The following MAF variants were observed in gnomAD, a reference collection of about 807,000 sequenced individuals.
MAF encodes transcription factor Maf.
Under a neutral mutation model 22.0 loss-of-function variants are expected in MAF, and 10 were observed. That is an observed-to-expected ratio of 0.45 (90% CI 0.28 to 0.77). MAF has a LOEUF of 0.77. Ranked by LOEUF, MAF falls within the 30% of genes least tolerant of loss-of-function variation. The pLI is 0.12. For synonymous variants in MAF, 337 were observed against 255.8 expected, an observed-to-expected ratio of 1.32 and a Z score of -3.03; for missense variants, 544 against 548.4, an observed-to-expected ratio of 0.99 and a Z score of 0.08.
the MAF span, chr16:79,505,761 G>A: frequency 1.3e-5 from 2 of 152,400 alleles, no homozygotes; most frequent in African/African-American, 4.8e-5. Context: ...CGGTCCCTTG[G>A]AAGGCTGGAA....
At chr16:79,428,846 G>GAAAAAAAAAA in the MAF span, among the ~76,000 whole-genome samples, 2 of 72,840 alleles carry the variant, frequency 2.7e-5, no homozygotes, top group Non-Finnish European at 5.2e-5. Context: ...CCCTGTCTCA[G>GAAAAAAAAAA]AAAAATAATA....
the MAF span, among the ~76,000 whole-genome samples, chr16:79,496,923 A>G: frequency 3.3e-5 from 5 of 152,352 alleles, no homozygotes; most frequent in East Asian, 7.7e-4. Context: ...GGTTCTACAC[A>G]GTAGCAGTGG....
chr16:79,260,938 T>C, the MAF span, among the ~76,000 whole-genome samples: 4 of 151,950 alleles, frequency 2.6e-5, no homozygotes, highest in African/African-American at 9.7e-5. Flanking sequence ...CAAACTAACA[T>C]TCTAGAAAGA....
chr16:79,249,011 C>T, the MAF span, among the ~76,000 whole-genome samples: 3 of 152,166 alleles, frequency 2.0e-5, no homozygotes, highest in East Asian at 3.9e-4. Context: ...TTGTGTACCC[C>T]CAAAATTCAT....
chr16:79,282,252 TG>T, the MAF span, among the ~76,000 whole-genome samples: 1 of 152,002 alleles, frequency 6.6e-6, no homozygotes, highest in South Asian at 2.1e-4. Flanking sequence ...AGACTCGGAG[TG>T]GTATTTTGTA....
At chr16:79,257,982 G>T in the MAF span, among the ~76,000 whole-genome samples, 1 of 152,124 alleles carries the variant, frequency 6.6e-6, no homozygotes, top group South Asian at 2.1e-4. Context: ...CTAACTCAAT[G>T]AGCACTAGTA....
chr16:79,566,217 G>T, the MAF span, among the ~76,000 whole-genome samples: 1 of 152,102 alleles, frequency 6.6e-6, no homozygotes, highest in Non-Finnish European at 1.5e-5. Flanking sequence ...CCAACACTCT[G>T]CCATTAGAGA....
the MAF span, among the ~76,000 whole-genome samples, chr16:79,471,863 T>C: frequency 1.3e-4 from 20 of 152,332 alleles, no homozygotes; most frequent in African/African-American, 4.8e-4. Flanking sequence ...ACAATTATTG[T>C]TAGAAGAAAA....
the MAF span, among the ~76,000 whole-genome samples, chr16:79,515,566 G>C: frequency 1.5e-4 from 23 of 152,314 alleles, no homozygotes; most frequent in East Asian, 4.2e-3. Context: ...AGGTAGGTTA[G>C]GTGAATTAAA....
At chr16:79,485,628 G>A in the MAF span, among the ~76,000 whole-genome samples, 1 of 152,106 alleles carries the variant, frequency 6.6e-6, no homozygotes, top group African/African-American at 2.4e-5. Context: ...TAAGAAAAAG[G>A]TTTTTTTAAA....
the MAF span, among the ~76,000 whole-genome samples, chr16:79,572,062 G>A: frequency 1.2e-4 from 18 of 152,162 alleles, no homozygotes; most frequent in African/African-American, 2.7e-4. Context: ...ACATTTTTCT[G>A]TCAATGGCTT....
chr16:79,248,357 G>A, the MAF span, among the ~76,000 whole-genome samples: 1 of 152,042 alleles, frequency 6.6e-6, no homozygotes, highest in African/African-American at 2.4e-5. Flanking sequence ...TTCTATTTCA[G>A]ACATCCGAAG....
the MAF span, among the ~76,000 whole-genome samples, chr16:79,333,385 G>A: frequency 6.6e-6 from 1 of 152,082 alleles, no homozygotes; most frequent in Non-Finnish European, 1.5e-5. Flanking sequence ...GACTTTGCAG[G>A]GGAGAGTTCT....
chr16:79,484,690 G>A, the MAF span, among the ~76,000 whole-genome samples: 1 of 152,212 alleles, frequency 6.6e-6, no homozygotes, highest in Non-Finnish European at 1.5e-5. Context: ...TCTCACAAAA[G>A]GGCCAGGGTG....
the MAF span, among the ~76,000 whole-genome samples, chr16:79,570,027 T>C: frequency 6.6e-6 from 1 of 151,392 alleles, no homozygotes; most frequent in Non-Finnish European, 1.5e-5. Context: ...TTTTTTTTTT[T>C]TTTGGATCTT....
chr16:79,595,724 A>G (rs767988105), intron 1 of MAF: 136 of 1,057,190 alleles, frequency 1.3e-4, no homozygotes, highest in Non-Finnish European at 1.5e-4. Flanking sequence ...CCACACAGGT[A>G]TTATTTTTTG....
the MAF span, among the ~76,000 whole-genome samples, chr16:79,254,182 A>G: frequency 6.6e-5 from 10 of 152,184 alleles, no homozygotes; most frequent in Non-Finnish European, 1.3e-4. Context: ...GCATATTATT[A>G]TTCAACATTT....
At chr16:79,407,183 T>C in the MAF span, among the ~76,000 whole-genome samples, 1 of 152,112 alleles carries the variant, frequency 6.6e-6, no homozygotes, top group African/African-American at 2.4e-5. Context: ...CTGGTACCCA[T>C]GAAGAAGAGC....
the MAF span, among the ~76,000 whole-genome samples, chr16:79,271,697 T>C: frequency 6.6e-6 from 1 of 152,256 alleles, no homozygotes; most frequent in African/African-American, 2.4e-5. Context: ...GGAACCTAAG[T>C]TGTTCCAAAC....
Sources: gnomAD v4.1 joint callset for allele counts (sites outside exome capture counted in the v4.1 genomes callset) on GRCh38, gnomAD v4.1.1 for gene constraint, MANE v1.5 for transcripts, NCBI Gene and HGNC (gene_info 2026-07-23, HGNC 2026-07-21) for gene names.